CDK20: variants seen among roughly 807,000 people sequenced by gnomAD.
CDK20 encodes cyclin-dependent kinase 20.
A neutral mutation model predicts 38.6 loss-of-function variants in CDK20; 40 were observed. That is an observed-to-expected ratio of 1.04 (90% confidence interval 0.81 to 1.35). CDK20 has a LOEUF of 1.35. Among genes scored for constraint, CDK20 ranks in the 40% most tolerant of loss-of-function variants. The pLI is 0.00. For synonymous variants in CDK20, 209 were observed against 185.7 expected (o/e 1.13, Z -1.02); for missense variants, 512 against 452.6 (o/e 1.13, Z -1.19).
chr9:87,972,507 G>T (rs1829931235), intron 2 of CDK20, among the ~76,000 whole-genome samples: 1 of 152,182 alleles, frequency 6.6e-6, no homozygotes, highest in African/African-American at 2.4e-5. Context: ...TGTGTTGAAT[G>T]AGAGAAAAGG....
chr9:87,967,570 G>A lies in CDK20; in HGVS notation c.933C>T (p.Pro311=). Residue 311 remains proline (P), a synonymous_variant, in exon 8 of 8, where the codon CCC becomes CCT. Coordinates refer to ENST00000325303, the MANE Select transcript of CDK20 (RefSeq NM_001039803.3). ...PIPQRLGGPA[P]KAHPGPPHIH... is the part of the protein sequence containing the mutation. Reference sequence around the variant, plus strand: ...TGTGGGGGGGCCCTGGATGGGCCTTGGGGGCAGGTCCCCCTAGACGCTGAG... The same window carrying A: ...TGTGGGGGGGCCCTGGATGGGCCTTAGGGGCAGGTCCCCCTAGACGCTGAG... The A allele has an allele frequency of 6.5e-7, 1 of 1,549,616 alleles. No individual in the cohort carries two copies. The highest frequency in any genetic ancestry group is 1.2e-5 in the South Asian group (1 of 83,710).
At chr9:87,970,689 C>A (rs1347711089) in intron 4 of CDK20, 59 bp from the exon 5 acceptor site, 1 of 1,612,850 alleles carries the variant, frequency 6.2e-7, no homozygotes, top group Non-Finnish European at 8.5e-7. Context: ...GGGAGGTGAC[C>A]CCAGCCCCAC....
intron 5 of CDK20, 171 bp from the exon 6 acceptor site, chr9:87,970,090 C>T: frequency 1.5e-6 from 1 of 650,406 alleles, no homozygotes; most frequent in Non-Finnish European, 2.4e-6. Context: ...CCCTAGAACC[C>T]AGAGCAAAGC....
At chr9:87,970,016 C>CCCA in intron 5 of CDK20, 97 bp from the exon 6 acceptor site, 1 of 1,388,820 alleles carries the variant, frequency 7.2e-7, no homozygotes, top group South Asian at 1.5e-5. Context: ...AGGGCAAGGC[C>CCCA]CCACAAGCCA....
At chr9:87,970,474 A>C in intron 5 of CDK20, 94 bp downstream of exon 5, 1 of 1,198,384 alleles carries the variant, frequency 8.3e-7, no homozygotes, top group Non-Finnish European at 1.2e-6. Flanking sequence ...CTAAACTCCC[A>C]CCAGGGAAAA....
At chr9:87,969,514 CT>C in intron 6 of CDK20, 165 bp from the exon 7 acceptor site, 1 of 820,142 alleles carries the variant, frequency 1.2e-6, no homozygotes. Context: ...CCCTGTATTC[CT>C]TCATCCATCC....
At chr9:87,974,092 A>T (rs1830058675) in intron 1 of CDK20, 57 bp from the exon 2 acceptor site, 1 of 1,610,966 alleles carries the variant, frequency 6.2e-7, no homozygotes, top group African/African-American at 1.3e-5. Flanking sequence ...AGAGAGATGA[A>T]GGTGGGTGAG....
At chr9:87,970,368 A>ACCTGGCCCC (rs1043422663) in intron 5 of CDK20, 200 bp downstream of exon 5, 14 of 576,286 alleles carry the variant, frequency 2.4e-5, no homozygotes, top group African/African-American at 2.4e-4. Context: ...TTCTCATCCC[A>ACCTGGCCCC]CCTGGCCCCT....
chr9:87,969,281 C>A lies in CDK20; in HGVS notation c.756G>T (p.Glu252Asp), dbSNP rs777370060. Residue 252 changes from glutamate (E) to aspartate (D), a missense_variant, in exon 7 of 8, where the codon GAG becomes GAT. Coordinates refer to ENST00000325303, the MANE Select transcript of CDK20 (RefSeq NM_001039803.3). ...FKEQVPMPLE[E>D]VLPDVSPQAL... Reference sequence around the variant, plus strand: ...CCTGGGGAGAGACGTCAGGCAGCACCTCCTCCAGGGGCATGGGCACCTGCT... The same window carrying A: ...CCTGGGGAGAGACGTCAGGCAGCACATCCTCCAGGGGCATGGGCACCTGCT... The A allele has an allele frequency of 1.3e-5, 21 of 1,613,882 alleles. No individual in the cohort carries two copies. In the East Asian group the frequency reaches 4.0e-4, roughly 31 times the overall value.
At position 87,967,225 on chromosome 9, in the gene CDK20, A is replaced by G. The variant is rs766159962; in HGVS notation, c.*237T>C. 3 of 690,138 alleles carry G rather than the reference A, an allele frequency of 4.3e-6. No homozygotes were observed. The highest frequency in any genetic ancestry group is 2.9e-5 in the South Asian group (2 of 68,702). 42.8% of individuals were successfully genotyped at this position (690,138 alleles called of 1,614,324 possible). ...GGTACGTCAGTAGCACACAGAAGGT[A>G]AGGCTCACCGAGCACAGGCCATGAA... On this transcript the variant is annotated 3_prime_UTR_variant, in exon 8 of 8. Coordinates refer to ENST00000325303, the MANE Select transcript of CDK20 (RefSeq NM_001039803.3).
chr9:87,973,893 G>C (rs753018762), intron 2 of CDK20, 29 bp downstream of exon 2: 2 of 1,605,280 alleles, frequency 1.2e-6, no homozygotes, highest in East Asian at 2.2e-5. Context: ...CTGAGGGTGA[G>C]AATACCATGC....
chr9:87,974,042 G>C lies in CDK20; in HGVS notation c.76-7C>G. On this transcript the variant is annotated splice_polypyrimidine_tract_variant and splice_region_variant and intron_variant, in intron 1 of 7. Coordinates refer to ENST00000325303, the MANE Select transcript of CDK20 (RefSeq NM_001039803.3). ...GGGCAACTATCTCGCCAGTCTGCAG[G>C]ATAGAAGGCAGACACTGCCAGCCCA... The C allele has an allele frequency of 6.2e-7, 1 of 1,614,046 alleles. No homozygotes were observed. The highest frequency in any genetic ancestry group is 8.5e-7 in the Non-Finnish European group (1 of 1,180,032).
chr9:87,970,742 T>G, intron 4 of CDK20, 34 bp downstream of exon 4: 1 of 1,613,628 alleles, frequency 6.2e-7, no homozygotes, highest in Non-Finnish European at 8.5e-7. Context: ...CTCTTCCCCA[T>G]GGAGAAGACT....
At chr9:87,971,425 ACCCTGTATCC>A in intron 2 of CDK20, 90 bp from the exon 3 acceptor site, 3 of 1,196,576 alleles carry the variant, frequency 2.5e-6, no homozygotes, top group Admixed American at 2.4e-5. Flanking sequence ...CTGACAGAGG[ACCCTGTATCC>A]AAAAAGACAG....
intron 2 of CDK20, among the ~76,000 whole-genome samples, chr9:87,972,688 G>A (rs11142032): frequency 0.025 from 3,880 of 152,264 alleles, 158 homozygotes; most frequent in African/African-American, 0.088. Context: ...TCTGATGAGT[G>A]GTGATGATGA....
chr9:87,974,113 T>A, intron 1 of CDK20, 78 bp from the exon 2 acceptor site: 1 of 1,603,930 alleles, frequency 6.2e-7, no homozygotes, highest in Non-Finnish European at 8.5e-7. Flanking sequence ...GGGAAGGTGG[T>A]TGAGAGAGAG....
In CDK20 at chr9:87,966,979, G is replaced by A; in HGVS notation, c.*483C>T. 2.2e-6 allele frequency: 1 copy of A among 455,320 alleles called. No homozygotes were observed. Among genetic ancestry groups the A allele is most frequent in the South Asian group, 1.6e-5 (1 of 64,260 alleles). 28.2% of individuals were successfully genotyped at this position (455,320 alleles called of 1,614,324 possible). On this transcript the variant is annotated 3_prime_UTR_variant, in exon 8 of 8. Transcript: ENST00000325303. ...CAGACATAAGGCAGAGCCACCTGAGGTTTTTAGAATCTATATCTCACATAC... is the reference window on the plus strand; with the variant it reads ...CAGACATAAGGCAGAGCCACCTGAGATTTTTAGAATCTATATCTCACATAC...
In CDK20 at chr9:87,974,373, T is replaced by C. The variant is rs377600589; in HGVS notation, c.74A>G (p.Glu25Gly). Residue 25 changes from glutamate (E) to glycine (G), a missense_variant and splice_region_variant, in exon 1 of 8, where the codon GAG (glutamate) becomes GGG (glycine). Transcript: ENST00000325303. Reference protein sequence around the residue: ...HGIVFKAKHVETGEIVALKKV... With the variant: ...HGIVFKAKHVGTGEIVALKKV... Reference sequence around the variant, plus strand: ...CTGCCGGCCGCGGTCCAGCCTCACCTCCACGTGCTTGGCCTTGAAGACGAT... The same window carrying C: ...CTGCCGGCCGCGGTCCAGCCTCACCCCCACGTGCTTGGCCTTGAAGACGAT... 2 of 1,612,326 alleles carry C rather than the reference T, an allele frequency of 1.2e-6. No homozygotes were observed. Among genetic ancestry groups the C allele is most frequent in the East Asian group, 2.2e-5 (1 of 44,834 alleles).
At chr9:87,969,549 C>T (rs576800670) in intron 6 of CDK20, 200 bp from the exon 7 acceptor site, 1 of 765,566 alleles carries the variant, frequency 1.3e-6, no homozygotes, top group South Asian at 1.8e-5. Context: ...GATGACGACT[C>T]TGTGCACAGC....
Sources: gnomAD v4.1 joint callset for allele counts (sites outside exome capture counted in the v4.1 genomes callset) on GRCh38, gnomAD v4.1.1 for gene constraint, MANE v1.5 for transcripts, NCBI Gene and HGNC (gene_info 2026-07-23, HGNC 2026-07-21) for gene names.